The following CNTN5 variants were observed in gnomAD, a reference collection of about 807,000 sequenced individuals.
CNTN5 encodes contactin 5.
In CNTN5, 77 loss-of-function variants were observed where a neutral mutation model predicts 129.1. The ratio of observed to expected loss-of-function variants is 0.60; its 90% CI spans 0.50 to 0.72. The LOEUF is 0.72. CNTN5 is among the 30% of genes least tolerant of loss of function. The pLI, the probability that CNTN5 is intolerant of heterozygous loss-of-function variation, is 0.00. For missense variants in CNTN5, 1,478 were observed against 1,328.8 expected, an observed-to-expected ratio of 1.11 and a Z score of -1.75; for synonymous variants, 509 against 465.6, an observed-to-expected ratio of 1.09 and a Z score of -1.20.
intron 20 of CNTN5, among the ~76,000 whole-genome samples, chr11:100,305,407 A>G (rs1480625959): frequency 6.6e-6 from 1 of 151,608 alleles, no homozygotes; most frequent in Admixed American, 6.6e-5. Context: ...ACTAACCCTC[A>G]TCGGCCAACA....
chr11:99,548,615 G>T (rs911692160), intron 2 of CNTN5, among the ~76,000 whole-genome samples: 2 of 152,150 alleles, frequency 1.3e-5, no homozygotes, highest in African/African-American at 2.4e-5. Context: ...ACATCCTCCG[G>T]CTAATGGATT....
chr11:99,875,252 C>T (rs1178172237), intron 6 of CNTN5, among the ~76,000 whole-genome samples: 2 of 152,020 alleles, frequency 1.3e-5, no homozygotes, highest in East Asian at 1.9e-4. Flanking sequence ...ACGTGAATCT[C>T]AGAAAAATAA....
intron 1 of CNTN5, among the ~76,000 whole-genome samples, chr11:99,230,683 T>C (rs1458942572): frequency 6.6e-6 from 1 of 152,244 alleles, no homozygotes; most frequent in Non-Finnish European, 1.5e-5. Context: ...AGTTCCGGGG[T>C]ACAAGTGCAG....
rs1181894210 is a variant in CNTN5, at chr11:100,158,008, A to C, written c.1581-33118A>C. On this transcript the variant is annotated intron_variant, in intron 13 of 24. Coordinates refer to ENST00000524871, the MANE Select transcript of CNTN5 (RefSeq NM_014361.4). The stretch of plus-strand genomic sequence containing the variant: ...AATGACCTTGGAGTGGAGCAGAAAA[A>C]TTTAAAAAGAGAGAAGGAAAGGAAA... Among the ~76,000 whole-genome samples the C allele has an allele frequency of 7.9e-5, 12 of 151,908 alleles. 1 individual carries two copies. The highest frequency in any genetic ancestry group is 3.9e-4 in the Admixed American group (6 of 15,196).
chr11:99,433,777 A>G (rs1391551263), intron 2 of CNTN5, among the ~76,000 whole-genome samples: 1 of 152,166 alleles, frequency 6.6e-6, no homozygotes, highest in Non-Finnish European at 1.5e-5. Context: ...AAGCTAAAAG[A>G]TGTTATTTAT....
intron 2 of CNTN5, among the ~76,000 whole-genome samples, chr11:99,377,782 T>TACAGATG (rs200356844): frequency 0.22 from 34,130 of 151,992 alleles, 3,759 homozygotes; most frequent in South Asian, 0.32. Flanking sequence ...TACAGATTAG[T>TACAGATG]TCCTCACTTA....
intron 9 of CNTN5, among the ~76,000 whole-genome samples, chr11:100,002,745 G>C (rs1219336539): frequency 6.6e-6 from 1 of 152,104 alleles, no homozygotes; most frequent in Non-Finnish European, 1.5e-5. Context: ...ATAGTCACTT[G>C]TCAATGATGT....
intron 1 of CNTN5, among the ~76,000 whole-genome samples, chr11:99,092,153 A>G (rs903392511): frequency 3.3e-5 from 5 of 152,190 alleles, no homozygotes; most frequent in Admixed American, 3.3e-4. Flanking sequence ...CAGACCTATC[A>G]TAATTGTATG....
intron 2 of CNTN5, among the ~76,000 whole-genome samples, chr11:99,531,247 C>T (rs555474550): frequency 6.6e-5 from 10 of 152,316 alleles, no homozygotes; most frequent in African/African-American, 2.4e-4. Context: ...GCATTTGCCC[C>T]TGCCATAGAG....
intron 6 of CNTN5, among the ~76,000 whole-genome samples, chr11:99,859,545 C>T (rs535273516): frequency 1.3e-5 from 2 of 152,132 alleles, no homozygotes; most frequent in African/African-American, 2.4e-5. Flanking sequence ...TTTTTGCCCT[C>T]TTTGTATCCA....
intron 2 of CNTN5, among the ~76,000 whole-genome samples, chr11:99,456,153 C>G (rs1323423130): frequency 6.6e-6 from 1 of 151,976 alleles, no homozygotes; most frequent in Admixed American, 6.6e-5. Context: ...TTTCAAAACT[C>G]TCGAAATGAA....
Position 100,356,506 on chromosome 11 carries a change from C to CT in CNTN5, c.*292dup. 2 of 402,160 alleles carry CT rather than the reference C, an allele frequency of 5.0e-6. No individual in the cohort carries two copies. The highest frequency in any genetic ancestry group is 8.9e-6 in the Non-Finnish European group (2 of 224,022). 24.9% of individuals were successfully genotyped at this position (402,160 alleles called of 1,614,324 possible). A position where few individuals can be genotyped will look rare whatever the true frequency, so the allele number is the denominator to read the frequency against. ...TAATTTCTGTCAAATGTATTCTTTA[C>CT]TTTTTTAATATGTTGGGATTTTATT... is the stretch of plus-strand genomic sequence containing the variant. On this transcript the variant is annotated 3_prime_UTR_variant, in exon 25 of 25. Transcript: ENST00000524871.
At chr11:99,280,327 T>G (rs1157645110) in intron 1 of CNTN5, among the ~76,000 whole-genome samples, 2 of 151,694 alleles carry the variant, frequency 1.3e-5, no homozygotes, top group African/African-American at 4.8e-5. Context: ...GAGAAATAAA[T>G]GAGGGCTTTT....
intron 1 of CNTN5, among the ~76,000 whole-genome samples, chr11:99,234,321 G>A (rs919592987): frequency 6.6e-6 from 1 of 152,024 alleles, no homozygotes; most frequent in Non-Finnish European, 1.5e-5. Flanking sequence ...AAAAGAGAGG[G>A]AATATGTTTA....
At chr11:100,282,374 G>C (rs965423755) in intron 18 of CNTN5, among the ~76,000 whole-genome samples, 1 of 152,236 alleles carries the variant, frequency 6.6e-6, no homozygotes, top group African/African-American at 2.4e-5. Context: ...AAGAAGGTCT[G>C]AAAGAATTCT....
At chr11:100,090,043 C>T (rs2137986787) in intron 13 of CNTN5, among the ~76,000 whole-genome samples, 1 of 152,224 alleles carries the variant, frequency 6.6e-6, no homozygotes, top group African/African-American at 2.4e-5. Context: ...TATCCCAGAA[C>T]TTTAAATTAC....
intron 2 of CNTN5, among the ~76,000 whole-genome samples, chr11:99,506,047 C>T (rs1193784551): frequency 2.6e-5 from 4 of 152,226 alleles, no homozygotes; most frequent in Admixed American, 2.6e-4. Context: ...GAGGTAATCC[C>T]TCACCTTAGG....
intron 3 of CNTN5, among the ~76,000 whole-genome samples, chr11:99,817,345 G>A (rs1335382924): frequency 6.6e-6 from 1 of 152,196 alleles, no homozygotes; most frequent in Non-Finnish European, 1.5e-5. Flanking sequence ...GGAAGACCTG[G>A]CGTAGTGCGC....
intron 1 of CNTN5, among the ~76,000 whole-genome samples, chr11:99,046,445 A>G (rs895713866): frequency 2.0e-5 from 3 of 152,202 alleles, no homozygotes; most frequent in African/African-American, 4.8e-5. Flanking sequence ...AGTGTACATT[A>G]TAAATAAAAC....
Sources: allele counts gnomAD v4.1 joint callset (sites outside exome capture counted in the v4.1 genomes callset), GRCh38; gene constraint gnomAD v4.1.1; transcripts MANE v1.5; gene names NCBI Gene and HGNC (gene_info 2026-07-23, HGNC 2026-07-21).